The following RTTN variants were observed in gnomAD, a reference collection of about 807,000 sequenced individuals.
The protein encoded by RTTN is rotatin.
Under a neutral mutation model 269.2 loss-of-function variants are expected in RTTN, and 182 were observed. The observed-to-expected ratio is 0.68, with a 90% CI of 0.60 to 0.76. The LOEUF (loss-of-function observed/expected upper bound fraction) is 0.76, where lower values mean the gene tolerates loss of function less well. Ranked by LOEUF, RTTN falls within the 30% of genes least tolerant of loss-of-function variation. The pLI is 0.00. For missense variants in RTTN, 2,545 were observed against 2,608.6 expected (o/e 0.98, Z 0.53); for synonymous variants, 1,006 against 963.5 (o/e 1.04, Z -0.82).
intron 24 of RTTN, chr18:70,127,977 G>A (rs1194932686): frequency 2.0e-6 from 1 of 500,492 alleles, no homozygotes. Flanking sequence ...ATTCACTTAA[G>A]ACAGACAGAT....
chr18:70,180,130 A>G (rs1317265064), intron 10 of RTTN, among the ~76,000 whole-genome samples: 4 of 152,294 alleles, frequency 2.6e-5, no homozygotes, highest in African/African-American at 4.8e-5. Context: ...TTAAAAAAAA[A>G]AAATGCTATT....
chr18:70,164,589 T>C (rs1346917349), intron 14 of RTTN, among the ~76,000 whole-genome samples: 1 of 152,010 alleles, frequency 6.6e-6, no homozygotes, highest in East Asian at 1.9e-4. Flanking sequence ...AAAGAATTAG[T>C]GTACTGAAAG....
chr18:70,114,588 T>G lies in RTTN; in HGVS notation c.3540A>C (p.Pro1180=), dbSNP rs772648438. 6.2e-7 allele frequency: 1 copy of G among 1,612,322 alleles called. No homozygotes were observed. The highest frequency in any genetic ancestry group is 8.5e-7 in the Non-Finnish European group (1 of 1,179,236). ...LELLLRHSAN[P]LLDLLVLTES... is the part of the protein sequence containing the mutation. ...CTGTCAGAACCAAGAGGTCTAACAG[T>G]GGGTTTGCACTCTAAAAAATGAAAT... The change falls in exon 27 of 49, where the codon CCA becomes CCC. Residue 1180 remains proline (P), a synonymous_variant. Coordinates refer to ENST00000640769, the MANE Select transcript of RTTN (RefSeq NM_173630.4).
At chr18:70,054,690 G>T (rs1024855577) in intron 37 of RTTN, among the ~76,000 whole-genome samples, 1 of 152,020 alleles carries the variant, frequency 6.6e-6, no homozygotes, top group Non-Finnish European at 1.5e-5. Context: ...AAAATTAGCC[G>T]GGCCTGCAGT....
rs747135360 is a variant in RTTN at position 70,024,713 on chromosome 18, T to G, written c.5950+9A>C. ...TATATTATTGAAAGGCAGTATTGGA[T>G]CCTATTACCATTTGGAAAATTTGCA... On this transcript the variant is annotated intron_variant, in intron 44 of 48. Transcript: ENST00000640769. 1 of 1,610,896 alleles carries G rather than the reference T, an allele frequency of 6.2e-7. No homozygotes were observed. Among genetic ancestry groups the G allele is most frequent in the African/African-American group, 1.3e-5 (1 of 74,946 alleles).
At chr18:70,107,213 G>A (rs191618536) in intron 28 of RTTN, among the ~76,000 whole-genome samples, 4 of 152,172 alleles carry the variant, frequency 2.6e-5, no homozygotes, top group African/African-American at 9.6e-5. Context: ...AAGGCAGAAA[G>A]CCCAGTGCTC....
At chr18:70,202,144 GA>G (rs1040365489) in intron 3 of RTTN, among the ~76,000 whole-genome samples, 161 bp from the exon 4 acceptor site, 3 of 152,074 alleles carry the variant, frequency 2.0e-5, no homozygotes, top group Non-Finnish European at 4.4e-5. Context: ...TGCTAAAGAG[GA>G]AAAAATGTGC....
chr18:70,036,502 C>T (rs1045234072), intron 40 of RTTN, among the ~76,000 whole-genome samples: 1 of 151,918 alleles, frequency 6.6e-6, no homozygotes. Flanking sequence ...ATGAGAGCAC[C>T]GGGACACAAA....
At chr18:70,042,200 C>CATGAGTTT (rs1456748823) in intron 40 of RTTN, among the ~76,000 whole-genome samples, 6 of 151,710 alleles carry the variant, frequency 4.0e-5, no homozygotes, top group African/African-American at 1.5e-4. Flanking sequence ...ATTTAGAAAG[C>CATGAGTTT]ATGAGTTTAT....
chr18:70,145,578 A>G, intron 18 of RTTN, 34 bp downstream of exon 18: 2 of 1,472,754 alleles, frequency 1.4e-6, no homozygotes, highest in Non-Finnish European at 1.8e-6. Flanking sequence ...GTATCAAATT[A>G]CCACACAGTA....
intron 47 of RTTN, chr18:70,006,066 C>G: frequency 4.6e-6 from 1 of 216,200 alleles, no homozygotes; most frequent in Non-Finnish European, 9.2e-6. Flanking sequence ...GATGTGTTTT[C>G]CCTTGATACG....
intron 28 of RTTN, among the ~76,000 whole-genome samples, chr18:70,099,371 T>A (rs546885730): frequency 7.9e-5 from 12 of 152,344 alleles, no homozygotes; most frequent in Non-Finnish European, 1.6e-4. Flanking sequence ...GTTGGCTGCA[T>A]AAATGTCTTC....
At chr18:70,040,321 G>C (rs2057303228) in intron 40 of RTTN, among the ~76,000 whole-genome samples, 1 of 151,290 alleles carries the variant, frequency 6.6e-6, no homozygotes, top group Non-Finnish European at 1.5e-5. Flanking sequence ...AAAATTGGGA[G>C]TAGCTATACT....
rs1180264124 is a variant in RTTN, at chr18:70,030,066, A to G, written c.5691T>C (p.Asn1897=). 6 of 1,612,878 alleles carry G rather than the reference A, an allele frequency of 3.7e-6. No individual in the cohort carries two copies. The highest frequency in any genetic ancestry group is 5.1e-6 in the Non-Finnish European group (6 of 1,179,666). ...TCAGAGAATCTAGGTTCAGTTGTGC[A>G]TTTATGTGTTTCATCTGCTCCATGC... ...DNCMEQMKHI[N]AQLNLDSLRP... Residue 1897 remains asparagine (N), a synonymous_variant, in exon 42 of 49, where the codon AAT becomes AAC. Transcript: ENST00000640769.
intron 11 of RTTN, among the ~76,000 whole-genome samples, chr18:70,174,726 A>AG (rs1435952955): frequency 1.1e-4 from 16 of 151,530 alleles, no homozygotes; most frequent in African/African-American, 3.6e-4. Flanking sequence ...AAAAAAAAAA[A>AG]AGAGAATAAA....
chr18:70,192,592 G>A (rs2061698191), intron 8 of RTTN, among the ~76,000 whole-genome samples: 1 of 149,726 alleles, frequency 6.7e-6, no homozygotes, highest in African/African-American at 2.5e-5. Flanking sequence ...GAGGCGAAAG[G>A]ATCACTTGAG....
Position 70,028,802 on chromosome 18 carries a change from C to T in RTTN, c.5746-1G>A. The T allele has an allele frequency of 6.2e-7, 1 of 1,606,442 alleles. No individual in the cohort carries two copies. The highest frequency in any genetic ancestry group is 1.3e-5 in the African/African-American group (1 of 74,884). ...TTAACTCTTTAATAACACCATCCTCCTATTTAAACAAAAAGCAGTTGAAAA... is the reference window on the plus strand; with the variant it reads ...TTAACTCTTTAATAACACCATCCTCTTATTTAAACAAAAAGCAGTTGAAAA... On this transcript the variant is annotated splice_acceptor_variant, in intron 42 of 48. Coordinates refer to ENST00000640769, the MANE Select transcript of RTTN (RefSeq NM_173630.4). LOFTEE classifies it high-confidence loss of function.
At chr18:70,120,378 A>G (rs2059705474) in intron 26 of RTTN, among the ~76,000 whole-genome samples, 2 of 152,188 alleles carry the variant, frequency 1.3e-5, no homozygotes, top group South Asian at 2.1e-4. Flanking sequence ...GCCTAAGACG[A>G]TAATAAACCT....
chr18:70,082,522 G>A lies in RTTN; in HGVS notation c.4374+4091C>T, dbSNP rs554837193. On this transcript the variant is annotated intron_variant, in intron 32 of 48. Transcript: ENST00000640769. Reference sequence around the variant, plus strand: ...TCAGGGATACGGATTTCTGACACTAGTCTTCAAACTAAACCCAGTTATGAA... The same window carrying A: ...TCAGGGATACGGATTTCTGACACTAATCTTCAAACTAAACCCAGTTATGAA... 7.9e-5 allele frequency among the ~76,000 whole-genome samples: 12 copies of A among 152,250 alleles called. No individual in the cohort carries two copies. The East Asian group carries it at 2.1e-3, about 27-fold the overall frequency.
Sources: gnomAD v4.1 joint callset for allele counts (sites outside exome capture counted in the v4.1 genomes callset) on GRCh38, gnomAD v4.1.1 for gene constraint, MANE v1.5 for transcripts, NCBI Gene and HGNC (gene_info 2026-07-23, HGNC 2026-07-21) for gene names.